LRRC37A2: variants seen among roughly 807,000 people sequenced by gnomAD.
LRRC37A2 encodes leucine-rich repeat-containing protein 37A2.
A neutral mutation model predicts 68.8 loss-of-function variants in LRRC37A2; 9 were observed. The observed-to-expected ratio is 0.13, with a 90% confidence interval of 0.08 to 0.23. LRRC37A2 has a LOEUF of 0.23. Ranked by LOEUF, LRRC37A2 falls within the 10% of genes least tolerant of loss-of-function variation. The pLI is 1.00. For synonymous variants in LRRC37A2, 63 were observed against 367.6 expected (o/e 0.17, Z 9.48); for missense variants, 168 against 950.4 (o/e 0.18, Z 10.82).
At chr17:46,759,359 G>A in the LRRC37A2 span, among the ~76,000 whole-genome samples, 1 of 152,230 alleles carries the variant, frequency 6.6e-6, no homozygotes, top group Admixed American at 6.5e-5. Flanking sequence ...GGTGTGTGCT[G>A]GACGGGCACC....
chr17:47,045,630 C>T, the LRRC37A2 span, among the ~76,000 whole-genome samples: 1 of 147,430 alleles, frequency 6.8e-6, no homozygotes, highest in Admixed American at 6.9e-5. Context: ...CTGAAAGTGC[C>T]CCCAATAAGC....
the LRRC37A2 span, among the ~76,000 whole-genome samples, chr17:46,952,146 A>G: frequency 6.6e-6 from 1 of 152,068 alleles, no homozygotes; most frequent in African/African-American, 2.4e-5. Flanking sequence ...TCATTTATCT[A>G]CCCAGCATCT....
chr17:46,764,107 A>AATT, the LRRC37A2 span: 1 of 152,138 alleles, frequency 6.6e-6, no homozygotes, highest in African/African-American at 2.4e-5. Context: ...CAGAATGAGA[A>AATT]ATTAGCTCAA....
the LRRC37A2 span, chr17:46,872,809 G>A: frequency 5.4e-6 from 8 of 1,481,028 alleles, no homozygotes; most frequent in East Asian, 1.2e-4. Flanking sequence ...GAGGGCTGGG[G>A]GAAGAAGCCT....
the LRRC37A2 span, among the ~76,000 whole-genome samples, chr17:46,747,729 A>C: frequency 6.6e-6 from 1 of 152,234 alleles, no homozygotes; most frequent in Admixed American, 6.5e-5. Flanking sequence ...TATTAGAAAG[A>C]GAAAGAAATA....
the LRRC37A2 span, among the ~76,000 whole-genome samples, chr17:46,863,229 C>G: frequency 6.6e-6 from 1 of 152,254 alleles, no homozygotes; most frequent in Non-Finnish European, 1.5e-5. Flanking sequence ...AGCCAGAGAG[C>G]AAGACCACAG....
At chr17:46,733,390 A>G in the LRRC37A2 span, among the ~76,000 whole-genome samples, 1 of 150,810 alleles carries the variant, frequency 6.6e-6, no homozygotes, top group African/African-American at 2.4e-5. Flanking sequence ...CTGAAAAGGA[A>G]CTCCTTGGGC....
chr17:47,036,888 T>A, the LRRC37A2 span, among the ~76,000 whole-genome samples: 2 of 132,430 alleles, frequency 1.5e-5, no homozygotes, highest in Non-Finnish European at 3.2e-5. Flanking sequence ...GGGATTTTGA[T>A]AAGAATTGTA....
At chr17:46,884,247 G>A in the LRRC37A2 span, among the ~76,000 whole-genome samples, 1 of 152,158 alleles carries the variant, frequency 6.6e-6, no homozygotes, top group Non-Finnish European at 1.5e-5. Context: ...GTCACCTGAC[G>A]CTGACACATT....
the LRRC37A2 span, among the ~76,000 whole-genome samples, chr17:46,898,680 A>G: frequency 6.6e-6 from 1 of 152,240 alleles, no homozygotes; most frequent in Non-Finnish European, 1.5e-5. Context: ...TCGAGTTTCC[A>G]GTGGAATCCT....
chr17:46,850,528 G>C, the LRRC37A2 span, among the ~76,000 whole-genome samples: 1 of 152,122 alleles, frequency 6.6e-6, no homozygotes, highest in Non-Finnish European at 1.5e-5. Context: ...TGTTCCCTAT[G>C]CATGGCTGAT....
At chr17:46,769,257 A>G in the LRRC37A2 span, among the ~76,000 whole-genome samples, 90 of 150,574 alleles carry the variant, frequency 6.0e-4, 1 homozygote, top group African/African-American at 2.1e-3. Flanking sequence ...CGGAGGTTGC[A>G]GGGACCCAAG....
the LRRC37A2 span, among the ~76,000 whole-genome samples, chr17:47,026,182 T>C: frequency 6.6e-6 from 1 of 152,212 alleles, no homozygotes; most frequent in Admixed American, 6.5e-5. Context: ...TGAAGGGCCA[T>C]TGTGTAACAT....
At chr17:46,553,881 TG>T in intron 12 of LRRC37A2, 1 of 493,524 alleles carries the variant, frequency 2.0e-6, no homozygotes, top group Non-Finnish European at 2.5e-6. Flanking sequence ...CTGCTGATGG[TG>T]GGCATCAGGC....
the LRRC37A2 span, among the ~76,000 whole-genome samples, chr17:46,500,999 G>T: frequency 6.6e-6 from 1 of 151,130 alleles, no homozygotes. Context: ...GGCTAACATG[G>T]TGAGACCCCG....
the LRRC37A2 span, among the ~76,000 whole-genome samples, chr17:46,501,293 A>G: frequency 6.6e-6 from 1 of 151,078 alleles, no homozygotes; most frequent in Non-Finnish European, 1.5e-5. Flanking sequence ...CTCCTGCCTC[A>G]GCCTCCTGAG....
the LRRC37A2 span, chr17:46,924,175 G>A: frequency 0.6 from 161,387 of 268,858 alleles, 48,629 homozygotes; most frequent in Middle Eastern, 0.62. Context: ...CTCTCTATGA[G>A]TTTACCTATT....
chr17:46,914,583 G>A, the LRRC37A2 span, among the ~76,000 whole-genome samples: 38 of 149,382 alleles, frequency 2.5e-4, no homozygotes, highest in Non-Finnish European at 4.0e-4. Context: ...CCCGGAAGGC[G>A]GAGGTTGCAG....
the LRRC37A2 span, among the ~76,000 whole-genome samples, chr17:46,943,061 G>C: frequency 6.6e-6 from 1 of 152,172 alleles, no homozygotes; most frequent in Non-Finnish European, 1.5e-5. Flanking sequence ...AGTGCAGCCG[G>C]GGCATTGGGA....
Sources: allele counts gnomAD v4.1 joint callset (sites outside exome capture counted in the v4.1 genomes callset), GRCh38; gene constraint gnomAD v4.1.1; transcripts MANE v1.5; gene names NCBI Gene and HGNC (gene_info 2026-07-23, HGNC 2026-07-21).